ADARB2: variants seen among roughly 807,000 people sequenced by gnomAD.
ADARB2 encodes inactive double-stranded RNA-specific editase B2.
In ADARB2, 25 loss-of-function variants were observed where a neutral mutation model predicts 62.2. The observed-to-expected ratio is 0.40, with a 90% CI of 0.29 to 0.56. ADARB2 has a LOEUF of 0.56. ADARB2 is among the 20% of genes least tolerant of loss of function. ADARB2 has a pLI of 0.43. For missense variants in ADARB2, 1,071 were observed against 1,077.4 expected (o/e 0.99, Z 0.08); for synonymous variants, 572 against 500.8 (o/e 1.14, Z -1.90).
At chr10:1,452,231 C>T (rs577777023) in intron 1 of ADARB2, among the ~76,000 whole-genome samples, 43 of 152,254 alleles carry the variant, frequency 2.8e-4, no homozygotes, top group African/African-American at 8.4e-4. Flanking sequence ...CACAGGGAGA[C>T]GGCAAATGTG....
chr10:1,499,202 C>G (rs576142874), intron 1 of ADARB2, among the ~76,000 whole-genome samples: 1 of 151,954 alleles, frequency 6.6e-6, no homozygotes, highest in African/African-American at 2.4e-5. Context: ...CTTATCATTA[C>G]TTAACACTCA....
intron 4 of ADARB2, among the ~76,000 whole-genome samples, chr10:1,256,788 T>C (rs865945844): frequency 6.6e-6 from 1 of 152,094 alleles, no homozygotes; most frequent in African/African-American, 2.4e-5. Flanking sequence ...ATTAATAGAT[T>C]GAAAAGTCTA....
intron 1 of ADARB2, among the ~76,000 whole-genome samples, chr10:1,464,441 T>C (rs371022231): frequency 6.8e-4 from 39 of 57,668 alleles, no homozygotes; most frequent in African/African-American, 1.9e-3. Flanking sequence ...CAGCGGGCAG[T>C]GCACCGGAGA....
chr10:1,367,071 C>T (rs1418755708), intron 2 of ADARB2, among the ~76,000 whole-genome samples: 4 of 150,074 alleles, frequency 2.7e-5, no homozygotes, highest in African/African-American at 4.9e-5. Flanking sequence ...CTTATGACAT[C>T]GTTGTTGGAG....
At chr10:1,587,104 C>G (rs554591431) in intron 1 of ADARB2, among the ~76,000 whole-genome samples, 1 of 152,248 alleles carries the variant, frequency 6.6e-6, no homozygotes, top group South Asian at 2.1e-4. Context: ...TGATTATAAC[C>G]GCTTGTATAC....
intron 1 of ADARB2, among the ~76,000 whole-genome samples, chr10:1,684,941 T>A: frequency 6.6e-6 from 1 of 151,970 alleles, no homozygotes; most frequent in Non-Finnish European, 1.5e-5. Context: ...GGGGGCCTCA[T>A]CCATGCTCAT....
At chr10:1,442,776 T>G (rs1830921533) in intron 1 of ADARB2, among the ~76,000 whole-genome samples, 1 of 152,138 alleles carries the variant, frequency 6.6e-6, no homozygotes, top group Admixed American at 6.6e-5. Context: ...ATTTTTTTTC[T>G]TGGAAAACTT....
intron 3 of ADARB2, among the ~76,000 whole-genome samples, chr10:1,294,832 G>A (rs936755932): frequency 8.5e-5 from 13 of 152,194 alleles, no homozygotes; most frequent in African/African-American, 2.9e-4. Context: ...TGGAGTGGTG[G>A]CTCTCAGCCC....
intron 2 of ADARB2, among the ~76,000 whole-genome samples, chr10:1,371,445 C>T (rs1194810709): frequency 1.3e-5 from 2 of 152,002 alleles, no homozygotes; most frequent in African/African-American, 4.8e-5. Flanking sequence ...ACAAAGTGGA[C>T]TTAATTAAAC....
At position 1,403,100 on chromosome 10, in the gene ADARB2, G is replaced by A. The variant is rs527356682; in HGVS notation, c.101-23940C>T. 1.4e-4 allele frequency among the ~76,000 whole-genome samples: 22 copies of A among 152,352 alleles called. No individual in the cohort carries two copies. In the East Asian group the frequency reaches 4.2e-3, roughly 29 times the overall value. ...GTGTGCGGCTCTCGTGGAAGCAGCCGGAGGTGGGGATGGAGAAAGGCCGGC... is the reference window on the plus strand; with the variant it reads ...GTGTGCGGCTCTCGTGGAAGCAGCCAGAGGTGGGGATGGAGAAAGGCCGGC... On this transcript the variant is annotated intron_variant, in intron 1 of 9. Coordinates refer to ENST00000381312, the MANE Select transcript of ADARB2 (RefSeq NM_018702.4).
intron 1 of ADARB2, among the ~76,000 whole-genome samples, chr10:1,617,327 A>T (rs76676742): frequency 1.6e-3 from 57 of 35,096 alleles, no homozygotes; most frequent in African/African-American, 2.0e-3. Context: ...CGCCCTGCTG[A>T]GCTCTGCATC....
rs527468273 is a variant in ADARB2 at position 1,220,030 on chromosome 10, GTGA to G, written c.1514-2914_1514-2912del. Among the ~76,000 whole-genome samples, 277 of 142,490 alleles carry G rather than the reference GTGA, an allele frequency of 1.9e-3. 1 individual carries two copies. Among genetic ancestry groups the G allele is most frequent in the African/African-American group, 6.7e-3 (259 of 38,546 alleles). The allele number at this position is 142,490 out of a possible 152,430, so 93.5% of individuals were successfully genotyped here. On this transcript the variant is annotated intron_variant, in intron 6 of 9. Coordinates refer to ENST00000381312, the MANE Select transcript of ADARB2 (RefSeq NM_018702.4). Reference sequence around the variant, plus strand: ...GGTAATGGTGATGGTGATGATGGTGGTGATGATGGTAATGGTGATGGTGGTGGT... The same window carrying G: ...GGTAATGGTGATGGTGATGATGGTGGTGATGGTAATGGTGATGGTGGTGGT...
At chr10:1,461,303 G>T (rs1831171625) in intron 1 of ADARB2, among the ~76,000 whole-genome samples, 2 of 152,134 alleles carry the variant, frequency 1.3e-5, no homozygotes, top group Admixed American at 1.3e-4. Flanking sequence ...TTGTCCTATT[G>T]TCTTCATCAG....
At chr10:1,563,899 C>A (rs543291192) in intron 1 of ADARB2, among the ~76,000 whole-genome samples, 3 of 147,862 alleles carry the variant, frequency 2.0e-5, no homozygotes, top group Non-Finnish European at 4.5e-5. Flanking sequence ...TTTGTTCTTG[C>A]GATAGTTTAC....
At chr10:1,734,270 T>C (rs1018475969) in intron 1 of ADARB2, among the ~76,000 whole-genome samples, 2 of 149,990 alleles carry the variant, frequency 1.3e-5, no homozygotes, top group Non-Finnish European at 3.0e-5. Flanking sequence ...AAATAATACC[T>C]GAAAGTCATA....
intron 1 of ADARB2, among the ~76,000 whole-genome samples, chr10:1,436,392 C>T (rs577743693): frequency 2.0e-5 from 3 of 152,280 alleles, no homozygotes; most frequent in East Asian, 3.9e-4. Flanking sequence ...ACTTACTTCT[C>T]GTGAGCAAAA....
intron 6 of ADARB2, among the ~76,000 whole-genome samples, chr10:1,229,882 G>A (rs1354883679): frequency 6.6e-6 from 1 of 152,120 alleles, no homozygotes; most frequent in Admixed American, 6.6e-5. Context: ...ATATATGTGT[G>A]AGAAAGGGAG....
intron 1 of ADARB2, among the ~76,000 whole-genome samples, chr10:1,443,490 T>C (rs903626448): frequency 1.3e-5 from 2 of 152,214 alleles, no homozygotes; most frequent in African/African-American, 4.8e-5. Context: ...GAATTAGTAT[T>C]TTTATTTAAC....
intron 3 of ADARB2, 95 bp downstream of exon 3, chr10:1,362,933 G>C (rs1832273545): frequency 1.7e-6 from 2 of 1,168,380 alleles, no homozygotes; most frequent in Non-Finnish European, 2.2e-6. Flanking sequence ...CTCCTTCTCC[G>C]AGAAGCCTGG....
Sources: allele counts gnomAD v4.1 joint callset (sites outside exome capture counted in the v4.1 genomes callset), GRCh38; gene constraint gnomAD v4.1.1; transcripts MANE v1.5; gene names NCBI Gene and HGNC (gene_info 2026-07-23, HGNC 2026-07-21).